The following SP140 variants were observed in gnomAD, a reference collection of about 807,000 sequenced individuals.
SP140 encodes the protein nuclear body protein SP140.
A neutral mutation model predicts 125.0 loss-of-function variants in SP140; 81 were observed. The observed-to-expected ratio is 0.65, with a 90% confidence interval of 0.54 to 0.78. The LOEUF is 0.78. SP140 is among the 30% of genes least tolerant of loss of function. The pLI, the probability that SP140 is intolerant of heterozygous loss-of-function variation, is 0.00. For missense variants in SP140, 858 were observed against 1,037.0 expected (o/e 0.83, Z 2.37); for synonymous variants, 312 against 354.0 (o/e 0.88, Z 1.33).
At chr2:230,281,618 T>C (rs757272158) in intron 15 of SP140, among the ~76,000 whole-genome samples, 2 of 152,218 alleles carry the variant, frequency 1.3e-5, no homozygotes, top group Non-Finnish European at 2.9e-5. Context: ...TTAACTATGA[T>C]AATTTGGCTT....
At chr2:230,232,553 A>C (rs1171836652) in intron 1 of SP140, among the ~76,000 whole-genome samples, 10 of 152,188 alleles carry the variant, frequency 6.6e-5, no homozygotes, top group Admixed American at 6.5e-4. Context: ...GTGAACTTTT[A>C]CATTTTTGAA....
intron 12 of SP140, among the ~76,000 whole-genome samples, chr2:230,267,017 T>C (rs2053227006): frequency 6.6e-6 from 1 of 152,180 alleles, no homozygotes; most frequent in Admixed American, 6.5e-5. Context: ...GAAAGAAATA[T>C]TTGGGGGCCA....
At chr2:230,198,848 T>G (rs903962881), upstream of SP140, among the ~76,000 whole-genome samples, 2 of 152,180 alleles carry the variant, frequency 1.3e-5, no homozygotes, top group African/African-American at 4.8e-5. Context: ...TCCACCCACC[T>G]CGGCCTCCCA....
In SP140 at chr2:230,245,917, A is replaced by C; in HGVS notation, c.719A>C (p.Lys240Thr). ...IDEGESEEMP[K>T]LLPYDTEVLE... ...GAAGGAGAATCAGAAGAAATGCCCA[A>C]GTTACTGCCTTATGATACAGAAGGT... The change falls in exon 7 of 27, where the codon AAG becomes ACG. Residue 240 changes from lysine (K) to threonine (T), a missense_variant. Lys to Thr is a moderately conservative substitution (Grantham distance 78). Transcript: ENST00000392045. 5 of 1,603,074 alleles carry C rather than the reference A, an allele frequency of 3.1e-6. No individual in the cohort carries two copies. The highest frequency in any genetic ancestry group is 4.3e-6 in the Non-Finnish European group (5 of 1,170,026).
Position 230,312,595 on chromosome 2 carries a change from T to C in SP140, c.2515T>C (p.Phe839Leu). 1 of 1,609,364 alleles carries C rather than the reference T, an allele frequency of 6.2e-7. No individual in the cohort carries two copies. Among genetic ancestry groups the C allele is most frequent in the Non-Finnish European group, 8.5e-7 (1 of 1,176,482 alleles). ...NHRASYKYKD[F>L]GQMGFRLEAE... ...TTTATTATTTTTTCAGTACAAGGAT[T>C]TTGGCCAAATGGGATTTAGACTGGA... The change falls in exon 27 of 27, where the codon TTT becomes CTT. Residue 839 changes from phenylalanine to leucine, a missense_variant. Phe to Leu is a conservative substitution (Grantham distance 22). Coordinates refer to ENST00000392045, the MANE Select transcript of SP140 (RefSeq NM_007237.5).
chr2:230,306,185 C>A (rs1443171320), intron 22 of SP140, among the ~76,000 whole-genome samples: 1 of 152,200 alleles, frequency 6.6e-6, no homozygotes, highest in Non-Finnish European at 1.5e-5. Context: ...ACACAGCCGG[C>A]AGGACCTGCT....
chr2:230,301,129 C>T (rs1042965185), intron 22 of SP140, among the ~76,000 whole-genome samples: 1 of 152,170 alleles, frequency 6.6e-6, no homozygotes, highest in Non-Finnish European at 1.5e-5. Context: ...TGAACAAAGC[C>T]TCCACGAAGT....
chr2:230,244,105 GT>G (rs1467126133), intron 5 of SP140, among the ~76,000 whole-genome samples: 1 of 152,000 alleles, frequency 6.6e-6, no homozygotes, highest in Non-Finnish European at 1.5e-5. Flanking sequence ...TTATTATTTT[GT>G]CCCTTACTAT....
At chr2:230,246,358 G>A (rs1160823017) in intron 7 of SP140, among the ~76,000 whole-genome samples, 2 of 152,106 alleles carry the variant, frequency 1.3e-5, no homozygotes, top group Admixed American at 6.5e-5. Context: ...CAATAGTTGT[G>A]GGATCCAAAT....
chr2:230,204,173 T>C (rs2043496679), intron 1 of SP140, among the ~76,000 whole-genome samples: 1 of 152,236 alleles, frequency 6.6e-6, no homozygotes, highest in South Asian at 2.1e-4. Context: ...CTCCTTTCGG[T>C]AGCTTGGCAG....
At chr2:230,250,202 T>TCTCTGCTTTAGCACAATTGGC (rs1336932904) in intron 9 of SP140, among the ~76,000 whole-genome samples, 2 of 152,234 alleles carry the variant, frequency 1.3e-5, no homozygotes, top group East Asian at 3.8e-4. Context: ...GCACAATTGT[T>TCTCTGCTTTAGCACAATTGGC]CTCTGCTTTA....
intron 15 of SP140, among the ~76,000 whole-genome samples, chr2:230,280,392 CTTTTA>C (rs1273591158): frequency 2.0e-5 from 3 of 152,148 alleles, no homozygotes; most frequent in Middle Eastern, 6.8e-3. Context: ...GTTCAGTTTT[CTTTTA>C]TGTCTCTTGT....
chr2:230,216,364 A>C (rs1192519897), intron 3 of SP140, among the ~76,000 whole-genome samples: 2 of 152,194 alleles, frequency 1.3e-5, no homozygotes, highest in African/African-American at 4.8e-5. Context: ...TGATGTAGAG[A>C]TGAAAACATA....
At chr2:230,228,343 A>G (rs1270125303) in intron 1 of SP140, among the ~76,000 whole-genome samples, 1 of 152,238 alleles carries the variant, frequency 6.6e-6, no homozygotes, top group African/African-American at 2.4e-5. Context: ...TGTGAGCTTA[A>G]AAAGTACATG....
rs529490729 is a variant in SP140 at position 230,255,334 on chromosome 2, G to T, written c.1160-118G>T. On this transcript the variant is annotated intron_variant, in intron 11 of 26. Coordinates refer to ENST00000392045, the MANE Select transcript of SP140 (RefSeq NM_007237.5). The stretch of plus-strand genomic sequence containing the variant: ...CAGGGCAGACCAGGAGGACCTGGGT[G>T]GGGGACAGCCCTACCTGAGAGATAC... 2.4e-5 allele frequency: 28 copies of T among 1,148,044 alleles called. No homozygotes were observed. The South Asian group carries it at 3.2e-4, about 13-fold the overall frequency. The allele number at this position is 1,148,044 out of a possible 1,614,324, so 71.1% of individuals were successfully genotyped here.
chr2:230,295,463 A>C (rs1031149310), intron 21 of SP140, among the ~76,000 whole-genome samples: 2 of 152,238 alleles, frequency 1.3e-5, no homozygotes, highest in South Asian at 4.1e-4. Flanking sequence ...AGAGTAACTG[A>C]GTCTGGATGA....
At chr2:230,310,373 C>T in intron 23 of SP140, 1 of 485,282 alleles carries the variant, frequency 2.1e-6, no homozygotes, top group Non-Finnish European at 3.7e-6. Context: ...CTTATTCATA[C>T]AAGACAGGAA....
At chr2:230,251,084 G>A in intron 10 of SP140, 23 bp downstream of exon 10, 1 of 1,597,770 alleles carries the variant, frequency 6.3e-7, no homozygotes, top group Non-Finnish European at 8.6e-7. Flanking sequence ...AGGATTTCTG[G>A]CCCTGGGCTG....
At chr2:230,246,603 G>A (rs1174242932) in intron 7 of SP140, among the ~76,000 whole-genome samples, 1 of 152,164 alleles carries the variant, frequency 6.6e-6, no homozygotes, top group African/African-American at 2.4e-5. Context: ...AAAAGATGAG[G>A]CCTTTGATAC....
Sources: gnomAD v4.1 joint callset for allele counts (sites outside exome capture counted in the v4.1 genomes callset) on GRCh38, gnomAD v4.1.1 for gene constraint, MANE v1.5 for transcripts, NCBI Gene and HGNC (gene_info 2026-07-23, HGNC 2026-07-21) for gene names.